The following ROBO1 variants were observed in gnomAD, a reference collection of about 807,000 sequenced individuals.
ROBO1 encodes the protein roundabout guidance receptor 1.
ROBO1 carries 149 observed loss-of-function variants against 195.9 expected under a neutral mutation model. That is an observed-to-expected ratio of 0.76 (90% CI 0.67 to 0.87). The LOEUF is 0.87. Ranked by LOEUF, ROBO1 falls within the 40% of genes least tolerant of loss-of-function variation. The pLI is 0.00. For synonymous variants in ROBO1, 816 were observed against 733.2 expected, an observed-to-expected ratio of 1.11 and a Z score of -1.82; for missense variants, 1,933 against 2,068.3, an observed-to-expected ratio of 0.93 and a Z score of 1.27.
intron 2 of ROBO1, among the ~76,000 whole-genome samples, chr3:79,360,996 T>C (rs2109303673): frequency 6.6e-6 from 1 of 152,224 alleles, no homozygotes; most frequent in Non-Finnish European, 1.5e-5. Flanking sequence ...TTTTAACATT[T>C]GTACAGTTAA....
intron 2 of ROBO1, among the ~76,000 whole-genome samples, chr3:79,550,020 G>A (rs1435002348): frequency 6.6e-6 from 1 of 151,746 alleles, no homozygotes; most frequent in East Asian, 1.9e-4. Flanking sequence ...AGCTACTCAG[G>A]AGGCTAAGGC....
chr3:79,448,016 T>A (rs1441886087), intron 2 of ROBO1, among the ~76,000 whole-genome samples: 1 of 152,232 alleles, frequency 6.6e-6, no homozygotes, highest in Admixed American at 6.5e-5. Flanking sequence ...TACTGAGTTG[T>A]TATAATGTAA....
intron 3 of ROBO1, among the ~76,000 whole-genome samples, chr3:79,063,236 G>A (rs550509243): frequency 1.3e-5 from 2 of 151,930 alleles, no homozygotes; most frequent in Non-Finnish European, 2.9e-5. Flanking sequence ...TTTCTGACCC[G>A]TACTCTTGAC....
At chr3:79,404,876 G>C (rs2037487236) in intron 2 of ROBO1, among the ~76,000 whole-genome samples, 1 of 152,036 alleles carries the variant, frequency 6.6e-6, no homozygotes, top group Admixed American at 6.6e-5. Context: ...TACAGAAATA[G>C]AGTAACAAAT....
intron 4 of ROBO1, among the ~76,000 whole-genome samples, chr3:78,811,747 G>C (rs2084749256): frequency 6.6e-6 from 1 of 152,182 alleles, no homozygotes; most frequent in African/African-American, 2.4e-5. Flanking sequence ...CGACATGCCA[G>C]AATCTTAAGT....
chr3:79,618,437 C>T (rs1184710983), intron 1 of ROBO1, among the ~76,000 whole-genome samples: 1 of 152,100 alleles, frequency 6.6e-6, no homozygotes, highest in East Asian at 1.9e-4. Flanking sequence ...TGTGATTTGT[C>T]CTGCCCCACC....
intron 4 of ROBO1, among the ~76,000 whole-genome samples, chr3:78,907,054 T>G (rs162263): frequency 0.3 from 46,284 of 151,858 alleles, 7,181 homozygotes; most frequent in Middle Eastern, 0.33. Flanking sequence ...TGCATAGCCT[T>G]TTCATATAAT....
chr3:79,208,689 G>A (rs1165569199), intron 2 of ROBO1, among the ~76,000 whole-genome samples: 1 of 21,696 alleles, frequency 4.6e-5, no homozygotes, highest in Non-Finnish European at 3.2e-4. Context: ...GGTGGGGCAT[G>A]TGTGTGTGTG....
chr3:78,879,083 A>C (rs965179310), intron 4 of ROBO1, among the ~76,000 whole-genome samples: 4 of 152,182 alleles, frequency 2.6e-5, no homozygotes, highest in Non-Finnish European at 4.4e-5. Context: ...ACTGTGTTCT[A>C]CTATACTTCT....
intron 10 of ROBO1, among the ~76,000 whole-genome samples, chr3:78,678,223 G>A (rs199712197): frequency 0.43 from 63,867 of 149,150 alleles, 14,144 homozygotes; most frequent in Middle Eastern, 0.56. Flanking sequence ...GAGAAAGCAG[G>A]AAAGATCCAA....
intron 2 of ROBO1, among the ~76,000 whole-genome samples, chr3:79,483,891 A>T (rs1243920548): frequency 6.6e-6 from 1 of 151,904 alleles, no homozygotes; most frequent in East Asian, 1.9e-4. Context: ...GCAGAAGGAG[A>T]GTGCAGAACT....
At chr3:79,548,452 T>C (rs2107664079) in intron 2 of ROBO1, among the ~76,000 whole-genome samples, 1 of 152,258 alleles carries the variant, frequency 6.6e-6, no homozygotes, top group African/African-American at 2.4e-5. Context: ...TAAAATTAGA[T>C]AGTTAAAGTG....
At chr3:79,014,033 A>T (rs534795828) in intron 3 of ROBO1, among the ~76,000 whole-genome samples, 177 of 151,310 alleles carry the variant, frequency 1.2e-3, no homozygotes, top group African/African-American at 4.1e-3. Flanking sequence ...TATGTAGCTT[A>T]AAAAAAAACT....
intron 2 of ROBO1, among the ~76,000 whole-genome samples, chr3:79,565,861 T>G (rs1559997885): frequency 6.6e-6 from 1 of 152,120 alleles, no homozygotes. Context: ...TTCCTATGAA[T>G]TTGCTTACCC....
chr3:79,364,255 T>C (rs7432789), intron 2 of ROBO1, among the ~76,000 whole-genome samples: 5 of 127,392 alleles, frequency 3.9e-5, no homozygotes, highest in Non-Finnish European at 5.0e-5. Flanking sequence ...TATATATACA[T>C]ATATATACAC....
intron 4 of ROBO1, among the ~76,000 whole-genome samples, chr3:78,845,534 C>T (rs2033605006): frequency 6.6e-6 from 1 of 151,802 alleles, no homozygotes; most frequent in Non-Finnish European, 1.5e-5. Flanking sequence ...CATATATTTC[C>T]TAATGAAAAG....
intron 2 of ROBO1, among the ~76,000 whole-genome samples, chr3:79,230,829 G>A (rs1370341585): frequency 1.3e-5 from 2 of 152,024 alleles, no homozygotes; most frequent in African/African-American, 4.8e-5. Flanking sequence ...ATACTACAGG[G>A]ATACAGTAAT....
intron 2 of ROBO1, among the ~76,000 whole-genome samples, chr3:79,499,009 T>A (rs1939907080): frequency 6.6e-6 from 1 of 152,216 alleles, no homozygotes; most frequent in Non-Finnish European, 1.5e-5. Context: ...AACTTTTGTG[T>A]ATGTGATGGA....
intron 2 of ROBO1, among the ~76,000 whole-genome samples, chr3:79,443,383 G>A (rs915177813): frequency 2.6e-5 from 4 of 151,940 alleles, no homozygotes; most frequent in African/African-American, 7.3e-5. Flanking sequence ...TAACTATCTC[G>A]GTTAAATGGA....
Sources: allele counts gnomAD v4.1 joint callset (sites outside exome capture counted in the v4.1 genomes callset), GRCh38; gene constraint gnomAD v4.1.1; transcripts MANE v1.5; gene names NCBI Gene and HGNC (gene_info 2026-07-23, HGNC 2026-07-21).